LMF1: variants seen among roughly 807,000 people sequenced by gnomAD.
The protein encoded by LMF1 is transmembrane protein 112.
A neutral mutation model predicts 60.6 loss-of-function variants in LMF1; 68 were observed. That is an observed-to-expected ratio of 1.12 (90% CI 0.92 to 1.37). LMF1 has a LOEUF of 1.37. Among genes scored for constraint, LMF1 ranks in the 40% most tolerant of loss-of-function variants. The probability of loss-of-function intolerance (pLI) is 0.00; values close to 1 mark genes in which losing one functional copy is unlikely to be tolerated. For missense variants in LMF1, 948 were observed against 767.2 expected (o/e 1.24, Z -2.78); for synonymous variants, 418 against 324.7 (o/e 1.29, Z -3.09).
intron 3 of LMF1, among the ~76,000 whole-genome samples, chr16:922,183 C>G (rs2071449565): frequency 6.6e-6 from 1 of 152,180 alleles, no homozygotes; most frequent in African/African-American, 2.4e-5. Flanking sequence ...GCAGGCCCAG[C>G]CATGCTCCTT....
chr16:855,006 G>C, intron 10 of LMF1: 1 of 496,854 alleles, frequency 2.0e-6, no homozygotes, highest in African/African-American at 1.9e-5. Context: ...GGGAAGGCCA[G>C]GAGCTTCACG....
At position 878,842 on chromosome 16, in the gene LMF1, T is replaced by C. The variant is rs563517720; in HGVS notation, c.897+728A>G. ...GAACGCCACCTGGACCTGTGCATTT[T>C]CCTGGCTGTATGTTACACCTCCATT... On this transcript the variant is annotated intron_variant, in intron 6 of 10. Coordinates refer to ENST00000262301, the MANE Select transcript of LMF1 (RefSeq NM_022773.4). The surrounding 1 kb of genome is among the most constrained non-coding windows in gnomAD (Gnocchi z 5.2). Among the ~76,000 whole-genome samples, 720 of 152,298 alleles carry C rather than the reference T, an allele frequency of 4.7e-3. 8 individuals carry two copies. Among genetic ancestry groups the C allele is most frequent in the African/African-American group, 0.016 (679 of 41,544 alleles).
intron 3 of LMF1, among the ~76,000 whole-genome samples, chr16:930,478 C>T (rs2071748258): frequency 1.3e-5 from 2 of 151,812 alleles, no homozygotes; most frequent in South Asian, 4.2e-4. Context: ...GGAGGATCGC[C>T]TGAGCCCGGG....
chr16:946,096 G>T (rs545875948), intron 2 of LMF1, among the ~76,000 whole-genome samples: 26 of 152,354 alleles, frequency 1.7e-4, no homozygotes, highest in Middle Eastern at 3.4e-3. Flanking sequence ...AGTTCACCAA[G>T]AAGTCAATGC....
intron 10 of LMF1, among the ~76,000 whole-genome samples, chr16:867,143 A>G (rs935030062): frequency 2.6e-5 from 4 of 152,250 alleles, no homozygotes; most frequent in Middle Eastern, 3.4e-3. Flanking sequence ...GACGGGAGAG[A>G]TGTGCCGTGT....
At chr16:896,298 T>A (rs2070659567) in intron 4 of LMF1, among the ~76,000 whole-genome samples, 1 of 152,168 alleles carries the variant, frequency 6.6e-6, no homozygotes, top group Non-Finnish European at 1.5e-5. Context: ...CCCCGCGCAC[T>A]GTGAAGGCTG....
At chr16:980,454 CCTT>C (rs1311091756) in intron 1 of LMF1, 3 of 152,296 alleles carry the variant, frequency 2.0e-5, no homozygotes, top group African/African-American at 7.2e-5. Context: ...CGGACCAGCT[CCTT>C]CTGCCGACCG....
Position 854,715 on chromosome 16 carries a change from G to A in LMF1, c.1530-9C>T, listed in dbSNP as rs373526378. 413 of 1,578,888 alleles carry A rather than the reference G, an allele frequency of 2.6e-4. 4 individuals are homozygous for A. In the East Asian group the frequency reaches 7.0e-3, roughly 27 times the overall value. Reference sequence around the variant, plus strand: ...GCTCTCCTCGGACCCACCTGCAAGGGGGCACATGTCAGCCCAGGGCCTGCT... The same window carrying A: ...GCTCTCCTCGGACCCACCTGCAAGGAGGCACATGTCAGCCCAGGGCCTGCT... On this transcript the variant is annotated splice_polypyrimidine_tract_variant and intron_variant, in intron 10 of 10. Transcript: ENST00000262301.
rs1567152495 is a variant in LMF1 at position 869,861 on chromosome 16, CCCGCCAGGGACCGT to C, written c.1416+8_1416+21del. 21 of 1,604,142 alleles carry C rather than the reference CCCGCCAGGGACCGT, an allele frequency of 1.3e-5. No homozygotes were observed. Among genetic ancestry groups the C allele is most frequent in the Non-Finnish European group, 1.7e-5 (20 of 1,176,438 alleles). On this transcript the variant is annotated splice_region_variant and intron_variant, in intron 9 of 10. Coordinates refer to ENST00000262301, the MANE Select transcript of LMF1 (RefSeq NM_022773.4). ...GGTGGGGTACAGGCAGGTCCATGCG[CCCGCCAGGGACCGT>C]CCCCCACCTGGAAGGCCGCGAACCA...
At chr16:975,270 A>G (rs138586222), upstream of LMF1, among the ~76,000 whole-genome samples, 6 of 152,154 alleles carry the variant, frequency 3.9e-5, no homozygotes, top group African/African-American at 9.6e-5. Context: ...ACAGCTCCCA[A>G]TGTGGTGGTG....
In LMF1 at chr16:869,947, C is replaced by A. The variant is rs772059919; in HGVS notation, c.1352G>T (p.Arg451Leu). 1.9e-6 allele frequency: 3 copies of A among 1,613,202 alleles called. No individual in the cohort carries two copies. Among genetic ancestry groups the A allele is most frequent in the African/African-American group, 2.7e-5 (2 of 74,934 alleles). Residue 451 changes from arginine (R) to leucine (L), a missense_variant, in exon 9 of 11, where the codon CGG (arginine) becomes CTG (leucine). Coordinates refer to ENST00000262301, the MANE Select transcript of LMF1 (RefSeq NM_022773.4). ...FKCKPGDPSRRPCLISPYHYR... is the reference protein window; with the variant it reads ...FKCKPGDPSRLPCLISPYHYR... Reference sequence around the variant, plus strand: ...GTGGTACGGGGAGATGAGGCAGGGCCGTCTGCTGGGGTCACCTGGCTTGCA... The same window carrying A: ...GTGGTACGGGGAGATGAGGCAGGGCAGTCTGCTGGGGTCACCTGGCTTGCA...
At chr16:856,694 C>T (rs1240512317) in intron 10 of LMF1, among the ~76,000 whole-genome samples, 1 of 152,204 alleles carries the variant, frequency 6.6e-6, no homozygotes, top group Admixed American at 6.5e-5. Context: ...TGCCAACTGG[C>T]AGGTTGGTGG....
At chr16:907,409 A>C (rs932763410) in intron 4 of LMF1, among the ~76,000 whole-genome samples, 4 of 152,050 alleles carry the variant, frequency 2.6e-5, no homozygotes, top group Admixed American at 2.0e-4. Context: ...TCAAAAAGAA[A>C]AAAAAAAAAG....
At chr16:856,423 C>A (rs74001076) in intron 10 of LMF1, among the ~76,000 whole-genome samples, 2,550 of 152,322 alleles carry the variant, frequency 0.017, 79 homozygotes, top group African/African-American at 0.058. Flanking sequence ...TCCCTGCACA[C>A]TCTCCTGGGC....
At chr16:915,844 A>G (rs543776606) in intron 3 of LMF1, among the ~76,000 whole-genome samples, 1 of 151,754 alleles carries the variant, frequency 6.6e-6, no homozygotes, top group South Asian at 2.1e-4. Flanking sequence ...GGTGAGATGC[A>G]GGGGCCGGAG....
rs763422900 is a variant in LMF1, at chr16:878,607, C to T, written c.897+963G>A. ...GACGGGTGAACCGACCGCAGGCACG[C>T]ACCGTGAAACAGGACCCGGCCAACA... On this transcript the variant is annotated intron_variant, in intron 6 of 10. Transcript: ENST00000262301. The surrounding 1 kb of genome is among the most constrained non-coding windows in gnomAD (Gnocchi z 5.2). Among the ~76,000 whole-genome samples the T allele has an allele frequency of 4.6e-5, 7 of 152,184 alleles. No individual in the cohort carries two copies. Among genetic ancestry groups the T allele is most frequent in the Non-Finnish European group, 8.8e-5 (6 of 68,048 alleles).
At chr16:913,699 C>T (rs1199003801) in intron 3 of LMF1, among the ~76,000 whole-genome samples, 1 of 152,254 alleles carries the variant, frequency 6.6e-6, no homozygotes, top group Admixed American at 6.5e-5. Context: ...GTGCCATTCA[C>T]AGGCGTCTCG....
At chr16:953,993 A>C (rs528535683) in intron 2 of LMF1, among the ~76,000 whole-genome samples, 381 of 7,254 alleles carry the variant, frequency 0.053, 87 homozygotes, top group Non-Finnish European at 0.061. Context: ...AGACACCCCA[A>C]ACCAGCCTCC....
intron 2 of LMF1, among the ~76,000 whole-genome samples, chr16:941,379 C>T (rs1469142991): frequency 6.6e-6 from 1 of 152,026 alleles, no homozygotes; most frequent in African/African-American, 2.4e-5. Flanking sequence ...GCAACTATGC[C>T]CGGGTAATTT....
Sources: allele counts gnomAD v4.1 joint callset (sites outside exome capture counted in the v4.1 genomes callset), GRCh38; gene constraint gnomAD v4.1.1; non-coding constraint Gnocchi (gnomAD v3.1); transcripts MANE v1.5; gene names NCBI Gene and HGNC (gene_info 2026-07-23, HGNC 2026-07-21).